Variants in PI15 observed in about 807,000 individuals in gnomAD.
PI15 encodes peptidase inhibitor 15.
PI15 carries 18 observed loss-of-function variants against 31.0 expected under a neutral mutation model. The ratio of observed to expected loss-of-function variants is 0.58; its 90% confidence interval spans 0.40 to 0.86. The LOEUF (loss-of-function observed/expected upper bound fraction) is 0.86. Ranked by LOEUF, PI15 falls within the 40% of genes least tolerant of loss-of-function variation. The pLI is 0.00. For synonymous variants in PI15, 118 were observed against 119.1 expected, an observed-to-expected ratio of 0.99 and a Z score of 0.06; for missense variants, 282 against 328.1, an observed-to-expected ratio of 0.86 and a Z score of 1.09.
At chr8:74,840,503 G>A (rs1810929726) in intron 2 of PI15, among the ~76,000 whole-genome samples, 1 of 152,156 alleles carries the variant, frequency 6.6e-6, no homozygotes. Context: ...ATCTTTCTCT[G>A]GGAATTGTAA....
chr8:74,844,021 C>T lies in PI15; in HGVS notation c.314C>T (p.Ala105Val), dbSNP rs765459300. 1.1e-5 allele frequency: 17 copies of T among 1,608,478 alleles called. No individual in the cohort carries two copies. The highest frequency in any genetic ancestry group is 1.7e-5 in the Admixed American group (1 of 59,968). The change falls in exon 3 of 6, where the codon GCG (alanine) becomes GTG (valine). Residue 105 changes from alanine to valine, a missense_variant. Transcript: ENST00000260113. The part of the protein sequence containing the change: ...ENLAKSAEAW[A>V]ATCIWDHGPS... ...CTTGCAAAATCGGCAGAGGCTTGGG[C>T]GGCTACTTGCATTTGGGACCATGGA...
chr8:74,827,967 T>A (rs1167328101), intron 2 of PI15, among the ~76,000 whole-genome samples: 2 of 152,254 alleles, frequency 1.3e-5, no homozygotes, highest in East Asian at 3.9e-4. Flanking sequence ...CTCATGTAAA[T>A]ACTGTGCATA....
chr8:74,826,897 G>A (rs1211153879), intron 2 of PI15, among the ~76,000 whole-genome samples: 1 of 152,052 alleles, frequency 6.6e-6, no homozygotes, highest in Admixed American at 6.6e-5. Flanking sequence ...TGTGAAAGGT[G>A]CCCAGTGAAA....
chr8:74,842,171 G>C (rs1278549612), intron 2 of PI15, among the ~76,000 whole-genome samples: 1 of 152,114 alleles, frequency 6.6e-6, no homozygotes, highest in Non-Finnish European at 1.5e-5. Context: ...TTGAAAGCTT[G>C]TAACTTGCCA....
chr8:74,847,429 G>C (rs1445236497), intron 5 of PI15, among the ~76,000 whole-genome samples: 2 of 145,274 alleles, frequency 1.4e-5, no homozygotes, highest in African/African-American at 5.2e-5. Context: ...TGGGCAACAA[G>C]AGCGAAACTC....
chr8:74,834,936 T>C (rs901193567), intron 2 of PI15, among the ~76,000 whole-genome samples: 3 of 152,206 alleles, frequency 2.0e-5, no homozygotes, highest in Admixed American at 6.5e-5. Context: ...GTCACATAAA[T>C]GTGTGTTGTA....
At position 74,825,428 on chromosome 8, in the gene PI15, G is replaced by A. The variant is rs895589209; in HGVS notation, c.179G>A (p.Arg60His). 4 of 1,612,742 alleles carry A rather than the reference G, an allele frequency of 2.5e-6. No homozygotes were observed. In the South Asian group the frequency reaches 3.3e-5, roughly 13 times the overall value. The change falls in exon 2 of 6, where the codon CGC becomes CAC. Residue 60 changes from arginine to histidine, a missense_variant. Transcript: ENST00000260113. ...SADIPKARRKRYISQNDMIAI... is the reference protein window; with the variant it reads ...SADIPKARRKHYISQNDMIAI... The stretch of plus-strand genomic sequence containing the variant: ...GATATCCCCAAAGCCAGGCGGAAGC[G>A]CTACATTTCGCAGAATGACATGATC...
chr8:74,848,748 G>T (rs1015794988), intron 5 of PI15, among the ~76,000 whole-genome samples: 1 of 148,294 alleles, frequency 6.7e-6, no homozygotes, highest in Non-Finnish European at 1.5e-5. Context: ...GAGAGAGAGA[G>T]AGAGAGACGG....
chr8:74,832,023 C>T lies in PI15; in HGVS notation c.273+6501C>T, dbSNP rs560541947. On this transcript the variant is annotated intron_variant, in intron 2 of 5. Coordinates refer to ENST00000260113, the MANE Select transcript of PI15 (RefSeq NM_015886.5). ...TCAAGCAGGGAAGTTATATAATCAACGAAGTGAAGAAAAGATGCAGTCAAG... is the reference window on the plus strand; with the variant it reads ...TCAAGCAGGGAAGTTATATAATCAATGAAGTGAAGAAAAGATGCAGTCAAG... 5.7e-4 allele frequency among the ~76,000 whole-genome samples: 86 copies of T among 152,038 alleles called. 1 individual carries two copies. Among genetic ancestry groups the T allele is most frequent in the Non-Finnish European group, 9.9e-4 (67 of 67,980 alleles).
At chr8:74,839,123 T>C (rs989664179) in intron 2 of PI15, among the ~76,000 whole-genome samples, 2 of 152,228 alleles carry the variant, frequency 1.3e-5, no homozygotes, top group Non-Finnish European at 2.9e-5. Context: ...ATATTCCTTC[T>C]ATCTTTTGGC....
In PI15 at chr8:74,825,522, G is replaced by A; in HGVS notation, c.273G>A (p.Met91Ile). The A allele has an allele frequency of 6.3e-7, 1 of 1,595,684 alleles. No individual in the cohort carries two copies. The highest frequency in any genetic ancestry group is 8.5e-7 in the Non-Finnish European group (1 of 1,170,936). The change falls in exon 2 of 6, where the codon ATG becomes ATA. Residue 91 changes from methionine to isoleucine, a missense_variant and splice_region_variant. Met to Ile is a conservative substitution (Grantham distance 10). Coordinates refer to ENST00000260113, the MANE Select transcript of PI15 (RefSeq NM_015886.5). ...CACCGGCAGCAAATATGGAATATAT[G>A]GTAAGAAGAATTCTTTTTTTTTTTT... ...VFPPAANMEY[M>I]VWDENLAKSA...
At chr8:74,840,272 T>C (rs1810927397) in intron 2 of PI15, among the ~76,000 whole-genome samples, 2 of 152,204 alleles carry the variant, frequency 1.3e-5, no homozygotes, top group Non-Finnish European at 2.9e-5. Flanking sequence ...CTTTGAAATA[T>C]ACACTAGATT....
chr8:74,851,551 GATTAA>G lies in PI15; in HGVS notation c.*2307_*2311del, dbSNP rs1157349937. The G allele has an allele frequency of 6.6e-6, 1 of 151,904 alleles. No homozygotes were observed. Among genetic ancestry groups the G allele is most frequent in the African/African-American group, 2.4e-5 (1 of 41,410 alleles). 9.4% of individuals were successfully genotyped at this position (151,904 alleles called of 1,614,324 possible). On this transcript the variant is annotated 3_prime_UTR_variant, in exon 6 of 6. Coordinates refer to ENST00000260113, the MANE Select transcript of PI15 (RefSeq NM_015886.5). ...TTAATAATATAAAACACTTATTTGA[GATTAA>G]ATTAAATTTTTCATGAGCCCCTCTT... is the stretch of plus-strand genomic sequence containing the variant.
chr8:74,837,608 T>C lies in PI15; in HGVS notation c.274-6373T>C, dbSNP rs73689277. Among the ~76,000 whole-genome samples the C allele has an allele frequency of 3.5e-3, 531 of 152,318 alleles. 2 individuals are homozygous for C. The highest frequency in any genetic ancestry group is 0.012 in the African/African-American group (482 of 41,572). ...CTTAATTTTTTAATGGCTTTTTTTTTCACTTCTATAGGTTAGCACTCTTTT... is the reference window on the plus strand; with the variant it reads ...CTTAATTTTTTAATGGCTTTTTTTTCCACTTCTATAGGTTAGCACTCTTTT... On this transcript the variant is annotated intron_variant, in intron 2 of 5. Coordinates refer to ENST00000260113, the MANE Select transcript of PI15 (RefSeq NM_015886.5).
intron 3 of PI15, 183 bp from the exon 4 acceptor site, chr8:74,844,945 T>G (rs1296497116): frequency 5.1e-6 from 3 of 588,618 alleles, no homozygotes; most frequent in Non-Finnish European, 9.1e-6. Context: ...GCCATTTCCA[T>G]GCTTGGCCCT....
intron 2 of PI15, among the ~76,000 whole-genome samples, chr8:74,840,696 G>A (rs1362355473): frequency 1.3e-5 from 2 of 152,136 alleles, no homozygotes; most frequent in Non-Finnish European, 2.9e-5. Context: ...CGCTGCAGTG[G>A]GCATCAGAGG....
At chr8:74,827,908 T>C (rs1810722552) in intron 2 of PI15, among the ~76,000 whole-genome samples, 1 of 152,162 alleles carries the variant, frequency 6.6e-6, no homozygotes, top group African/African-American at 2.4e-5. Flanking sequence ...TCAGTAAAAG[T>C]AATGAGAACA....
rs191712474 is a variant in PI15 at position 74,846,224 on chromosome 8, A to G, written c.641+727A>G. Reference sequence around the variant, plus strand: ...AAAGATTTTCTCCAGCTATTCCAGCATGGGGAGGGAATGAGAAAATGTTTC... The same window carrying G: ...AAAGATTTTCTCCAGCTATTCCAGCGTGGGGAGGGAATGAGAAAATGTTTC... On this transcript the variant is annotated intron_variant, in intron 5 of 5. Coordinates refer to ENST00000260113, the MANE Select transcript of PI15 (RefSeq NM_015886.5). Among the ~76,000 whole-genome samples, 502 of 152,354 alleles carry G rather than the reference A, an allele frequency of 3.3e-3. 2 individuals carry two copies. The highest frequency in any genetic ancestry group is 0.012 in the African/African-American group (492 of 41,588).
Position 74,850,207 on chromosome 8 carries a change from A to AC in PI15, c.*955dup, listed in dbSNP as rs1481206860. On this transcript the variant is annotated 3_prime_UTR_variant, in exon 6 of 6. Coordinates refer to ENST00000260113, the MANE Select transcript of PI15 (RefSeq NM_015886.5). ...TTCTGCTTCTCATGGGAATTTAGTT[A>AC]CAGTGCTTGGAATGAGAAGGGGAAG... is the stretch of plus-strand genomic sequence containing the variant. 1.3e-5 allele frequency: 2 copies of AC among 152,218 alleles called. No individual in the cohort carries two copies. The highest frequency in any genetic ancestry group is 2.9e-5 in the Non-Finnish European group (2 of 68,042). 9.4% of individuals were successfully genotyped at this position (152,218 alleles called of 1,614,324 possible).
Sources: gnomAD v4.1 joint callset for allele counts (sites outside exome capture counted in the v4.1 genomes callset) on GRCh38, gnomAD v4.1.1 for gene constraint, MANE v1.5 for transcripts, NCBI Gene and HGNC (gene_info 2026-07-23, HGNC 2026-07-21) for gene names.